The following PDE1A variants were observed in gnomAD, a reference collection of about 807,000 sequenced individuals.
The protein encoded by PDE1A is phosphodiesterase 1A.
A neutral mutation model predicts 61.7 loss-of-function variants in PDE1A; 35 were observed. That is an observed-to-expected ratio of 0.57 (90% CI 0.43 to 0.75). The LOEUF (loss-of-function observed/expected upper bound fraction) is 0.75, where lower values mean the gene tolerates loss of function less well. PDE1A is among the 30% of genes least tolerant of loss of function. The pLI is 0.00. For synonymous variants in PDE1A, 232 were observed against 213.2 expected, an observed-to-expected ratio of 1.09 and a Z score of -0.77; for missense variants, 597 against 630.6, an observed-to-expected ratio of 0.95 and a Z score of 0.57.
intron 2 of PDE1A, among the ~76,000 whole-genome samples, chr2:182,242,525 A>G (rs1267732051): frequency 6.6e-6 from 1 of 152,230 alleles, no homozygotes; most frequent in Admixed American, 6.5e-5. Context: ...CACCATAGGT[A>G]GGTTATGGTG....
intron 4 of PDE1A, among the ~76,000 whole-genome samples, chr2:182,232,732 G>A (rs1689683019): frequency 6.6e-6 from 1 of 152,150 alleles, no homozygotes; most frequent in South Asian, 2.1e-4. Flanking sequence ...CTCAAAGGAG[G>A]TCAATAAATC....
intron 13 of PDE1A, among the ~76,000 whole-genome samples, chr2:182,159,507 G>A (rs571951989): frequency 2.0e-5 from 3 of 152,328 alleles, no homozygotes; most frequent in Admixed American, 2.0e-4. Flanking sequence ...TCACTCGACT[G>A]ATTGATGGAC....
chr2:182,381,667 C>T lies in PDE1A; in HGVS notation c.53+44911G>A, dbSNP rs370641141. On this transcript the variant is annotated intron_variant, in intron 1 of 13. Coordinates refer to ENST00000351439, the Ensembl canonical transcript of PDE1A. ...TCTCTAATAAAAATACAAAACTTAG[C>T]CAGGCATGGTGGTGCATGCCTATAA... 1.2e-3 allele frequency among the ~76,000 whole-genome samples: 175 copies of T among 152,148 alleles called. 2 individuals carry two copies. Among genetic ancestry groups the T allele is most frequent in the African/African-American group, 4.1e-3 (171 of 41,510 alleles).
At chr2:182,465,176 T>G (rs1686573219) in intron 2 of PDE1A, among the ~76,000 whole-genome samples, 1 of 152,108 alleles carries the variant, frequency 6.6e-6, no homozygotes, top group South Asian at 2.1e-4. Context: ...TAATAATAAT[T>G]TAATGGGAGA....
intron 2 of PDE1A, among the ~76,000 whole-genome samples, chr2:182,455,126 C>T (rs1481997419): frequency 2.0e-5 from 3 of 151,850 alleles, no homozygotes; most frequent in African/African-American, 7.2e-5. Context: ...CAAAAGAAGA[C>T]ATTTATGCAG....
chr2:182,468,290 T>C (rs1686802719), intron 2 of PDE1A, among the ~76,000 whole-genome samples: 1 of 152,012 alleles, frequency 6.6e-6, no homozygotes, highest in African/African-American at 2.4e-5. Context: ...GCCATTGCTT[T>C]CTTAACTAAG....
intron 2 of PDE1A, among the ~76,000 whole-genome samples, chr2:182,438,880 T>C (rs188076212): frequency 6.6e-6 from 1 of 151,932 alleles, no homozygotes; most frequent in Non-Finnish European, 1.5e-5. Flanking sequence ...CACTGAACAA[T>C]GTAGAAAATA....
At chr2:182,665,796 G>T in the PDE1A span, among the ~76,000 whole-genome samples, 1 of 152,134 alleles carries the variant, frequency 6.6e-6, no homozygotes, top group Non-Finnish European at 1.5e-5. Flanking sequence ...ATTTACAATA[G>T]CAAAGACATG....
intron 1 of PDE1A, among the ~76,000 whole-genome samples, chr2:182,315,357 T>C (rs833122): frequency 0.95 from 144,231 of 152,258 alleles, 68,789 homozygotes; most frequent in Non-Finnish European, 1. Flanking sequence ...ACTGAAGCTA[T>C]TGACACAGAG....
intron 1 of PDE1A, among the ~76,000 whole-genome samples, chr2:182,277,714 G>A (rs1380890990): frequency 6.6e-6 from 1 of 152,114 alleles, no homozygotes; most frequent in African/African-American, 2.4e-5. Flanking sequence ...GGGTGCAAGA[G>A]AGACACCTGA....
At chr2:182,405,194 C>A (rs1702233353) in intron 1 of PDE1A, among the ~76,000 whole-genome samples, 1 of 152,146 alleles carries the variant, frequency 6.6e-6, no homozygotes, top group African/African-American at 2.4e-5. Context: ...TTATATAGCA[C>A]ATGACCGTAC....
At chr2:182,316,225 G>A (rs1696333414) in intron 1 of PDE1A, among the ~76,000 whole-genome samples, 1 of 152,184 alleles carries the variant, frequency 6.6e-6, no homozygotes, top group African/African-American at 2.4e-5. Context: ...ACATAAAAAT[G>A]AGGTAATTTA....
chr2:182,475,686 T>G (rs1043798834), intron 2 of PDE1A, among the ~76,000 whole-genome samples: 1 of 151,930 alleles, frequency 6.6e-6, no homozygotes, highest in Non-Finnish European at 1.5e-5. Flanking sequence ...ACATACCAGA[T>G]TTTTTTGTCA....
chr2:182,385,979 C>G (rs1004858989), intron 1 of PDE1A, among the ~76,000 whole-genome samples: 1 of 152,206 alleles, frequency 6.6e-6, no homozygotes, highest in East Asian at 1.9e-4. Context: ...TCTGCCTCAG[C>G]CTGCCGAGTG....
intron 1 of PDE1A, among the ~76,000 whole-genome samples, chr2:182,367,729 AAAAAT>A (rs549422244): frequency 8.0e-4 from 122 of 152,236 alleles, no homozygotes; most frequent in Admixed American, 3.1e-3. Flanking sequence ...AATTAATTGA[AAAAAT>A]AAAATTATAT....
the PDE1A span, among the ~76,000 whole-genome samples, chr2:182,639,614 C>T: frequency 3.3e-5 from 5 of 151,374 alleles, no homozygotes; most frequent in African/African-American, 4.9e-5. Context: ...AAAATAAAAT[C>T]GAAAAAGAGA....
chr2:182,412,913 C>G (rs544881129), intron 1 of PDE1A, among the ~76,000 whole-genome samples: 33 of 152,216 alleles, frequency 2.2e-4, no homozygotes, highest in African/African-American at 7.2e-4. Flanking sequence ...CATGCAAGTT[C>G]AAAGGAATAA....
intron 1 of PDE1A, among the ~76,000 whole-genome samples, chr2:182,415,873 A>G (rs1182398144): frequency 6.6e-6 from 1 of 152,178 alleles, no homozygotes; most frequent in Non-Finnish European, 1.5e-5. Flanking sequence ...AGGACATTCA[A>G]ATCACTTCCT....
intron 1 of PDE1A, among the ~76,000 whole-genome samples, chr2:182,297,331 A>T (rs1186780772): frequency 1.3e-5 from 2 of 151,642 alleles, no homozygotes; most frequent in Non-Finnish European, 2.9e-5. Context: ...TCCTCCTCCC[A>T]CCCATTTGCT....
Sources: allele counts gnomAD v4.1 joint callset (sites outside exome capture counted in the v4.1 genomes callset), GRCh38; gene constraint gnomAD v4.1.1; transcripts MANE v1.5; gene names NCBI Gene and HGNC (gene_info 2026-07-23, HGNC 2026-07-21).